SNX29: variants seen among roughly 807,000 people sequenced by gnomAD.
The protein encoded by SNX29 is sorting nexin 29, also known as sorting nexin-29.
SNX29 carries 78 observed loss-of-function variants against 102.1 expected under a neutral mutation model. That is an observed-to-expected ratio of 0.76 (90% CI 0.64 to 0.92). SNX29 has a LOEUF of 0.92. Among genes scored for constraint, SNX29 ranks in the 40% least tolerant of loss-of-function variants. The pLI is 0.00. For missense variants in SNX29, 1,280 were observed against 1,061.7 expected, an observed-to-expected ratio of 1.21 and a Z score of -2.86; for synonymous variants, 580 against 414.5, an observed-to-expected ratio of 1.40 and a Z score of -4.85.
At chr16:12,289,334 GT>G (rs1489728959) in intron 15 of SNX29, among the ~76,000 whole-genome samples, 1 of 152,174 alleles carries the variant, frequency 6.6e-6, no homozygotes, top group African/African-American at 2.4e-5. Flanking sequence ...TGGCCTCTCA[GT>G]TACTGTTTGC....
At chr16:12,500,238 A>T (rs564358063) in intron 19 of SNX29, among the ~76,000 whole-genome samples, 1 of 151,682 alleles carries the variant, frequency 6.6e-6, no homozygotes, top group Non-Finnish European at 1.5e-5. Context: ...ACTCAAGCAA[A>T]CCTCGTGCCT....
chr16:12,394,790 T>C (rs752285326), intron 16 of SNX29, among the ~76,000 whole-genome samples: 1 of 152,232 alleles, frequency 6.6e-6, no homozygotes, highest in Non-Finnish European at 1.5e-5. Flanking sequence ...GCTCCTGATA[T>C]CTTTACTTCC....
chr16:12,144,748 G>A (rs1297688397), intron 13 of SNX29, among the ~76,000 whole-genome samples: 1 of 152,216 alleles, frequency 6.6e-6, no homozygotes, highest in African/African-American at 2.4e-5. Context: ...TTGAGACGGA[G>A]TCTCGCTGTG....
chr16:12,304,056 A>T (rs913693416), intron 15 of SNX29, among the ~76,000 whole-genome samples: 1 of 152,206 alleles, frequency 6.6e-6, no homozygotes, highest in Non-Finnish European at 1.5e-5. Context: ...TTGCCTATGC[A>T]TATCGTGTGT....
At chr16:12,450,333 C>A (rs528770271) in intron 18 of SNX29, among the ~76,000 whole-genome samples, 1 of 152,286 alleles carries the variant, frequency 6.6e-6, no homozygotes, top group East Asian at 1.9e-4. Context: ...TGGGGCTGTT[C>A]TAGCTTTTGT....
intron 16 of SNX29, among the ~76,000 whole-genome samples, chr16:12,380,638 TCCATCCACCCACCA>T (rs2083059602): frequency 1.7e-5 from 1 of 59,310 alleles, no homozygotes. Context: ...CCACCATCCA[TCCATCCACCCACCA>T]TCCATCCACC....
At chr16:12,008,207 G>T (rs1019346522) in intron 3 of SNX29, among the ~76,000 whole-genome samples, 1 of 152,120 alleles carries the variant, frequency 6.6e-6, no homozygotes, top group African/African-American at 2.4e-5. Flanking sequence ...GCCTCCCAAA[G>T]TGCTGGGATT....
chr16:12,120,054 G>T (rs374195102), intron 11 of SNX29, among the ~76,000 whole-genome samples: 1 of 152,098 alleles, frequency 6.6e-6, no homozygotes, highest in Non-Finnish European at 1.5e-5. Context: ...AGGGGAGGAG[G>T]GTGGCAGGAG....
chr16:12,238,512 T>A (rs2078006318), intron 14 of SNX29, among the ~76,000 whole-genome samples: 1 of 152,054 alleles, frequency 6.6e-6, no homozygotes, highest in African/African-American at 2.4e-5. Flanking sequence ...TTTGTAGAGA[T>A]GGGGTTTTAC....
chr16:12,433,555 C>T (rs1009994630), intron 18 of SNX29, among the ~76,000 whole-genome samples: 8 of 148,550 alleles, frequency 5.4e-5, no homozygotes, highest in African/African-American at 7.4e-5. Context: ...CGCTTGAACC[C>T]GGGAGGTGGA....
intron 19 of SNX29, among the ~76,000 whole-genome samples, chr16:12,504,365 C>T (rs62030400): frequency 0.096 from 14,631 of 152,054 alleles, 779 homozygotes; most frequent in Middle Eastern, 0.12. Flanking sequence ...TTTCATCACC[C>T]GGAAAGAAAC....
chr16:12,031,024 C>T (rs2057327410), intron 4 of SNX29, among the ~76,000 whole-genome samples: 1 of 152,096 alleles, frequency 6.6e-6, no homozygotes, highest in Non-Finnish European at 1.5e-5. Context: ...TTCAGTGCCG[C>T]TGCCTGTGCT....
chr16:11,996,934 A>G (rs924514156), intron 1 of SNX29, among the ~76,000 whole-genome samples: 1 of 152,148 alleles, frequency 6.6e-6, no homozygotes, highest in African/African-American at 2.4e-5. Flanking sequence ...GTACTTTTTG[A>G]AGAGTCAGTT....
chr16:12,312,536 G>A (rs2080592060), intron 15 of SNX29, among the ~76,000 whole-genome samples: 4 of 152,244 alleles, frequency 2.6e-5, no homozygotes, highest in Admixed American at 2.0e-4. Context: ...CCGGAAATAA[G>A]CTCCACGAGC....
At chr16:12,558,590 ACT>A (rs973377278) in intron 20 of SNX29, among the ~76,000 whole-genome samples, 10 of 152,146 alleles carry the variant, frequency 6.6e-5, no homozygotes, top group African/African-American at 2.2e-4. Context: ...TACACCTGTC[ACT>A]CTCTGCCACA....
intron 20 of SNX29, among the ~76,000 whole-genome samples, chr16:12,554,955 A>G (rs559566513): frequency 2.4e-4 from 36 of 148,624 alleles, no homozygotes; most frequent in Admixed American, 2.2e-3. Flanking sequence ...GGAGAAAACA[A>G]TGGAGGTGGT....
At chr16:12,280,461 G>A (rs905948) in intron 15 of SNX29, among the ~76,000 whole-genome samples, 11,998 of 152,208 alleles carry the variant, frequency 0.079, 1,160 homozygotes, top group African/African-American at 0.22. Flanking sequence ...CACCAAACGG[G>A]AGGGCTCAAG....
rs2052768567 is a variant in SNX29, at chr16:12,096,377, G to C, written c.1402+17462G>C. ...TGCTGGGCGCAGTTCTAGGTGCTGA[G>C]GAGCCAGAGGTGGGGATCCAGCTTG... On this transcript the variant is annotated intron_variant, in intron 11 of 20. Transcript: ENST00000566228. The surrounding 1 kb of genome is among the most constrained non-coding windows in gnomAD (Gnocchi z 4.2). Among the ~76,000 whole-genome samples, 1 of 152,198 alleles carries C rather than the reference G, an allele frequency of 6.6e-6. No individual in the cohort carries two copies.
At position 12,512,367 on chromosome 16, in the gene SNX29, AAAATATATATATATATATATAT is replaced by A. The variant is rs1316865596; in HGVS notation, c.2179-12333_2179-12312del. 9.6e-4 allele frequency among the ~76,000 whole-genome samples: 38 copies of A among 39,488 alleles called. 3 individuals carry two copies. The highest frequency in any genetic ancestry group is 3.5e-3 in the South Asian group (4 of 1,150). The allele number at this position is 39,488 out of a possible 152,430, so 25.9% of individuals were successfully genotyped here. On this transcript the variant is annotated intron_variant, in intron 19 of 20. Transcript: ENST00000566228. ...TACGTCCATCATGGAAGGCCCAGGG[AAAATATATATATATATATATAT>A]ATATATATATATATATATATATATA...
Sources: allele counts gnomAD v4.1 joint callset (sites outside exome capture counted in the v4.1 genomes callset), GRCh38; gene constraint gnomAD v4.1.1; non-coding constraint Gnocchi (gnomAD v3.1); transcripts MANE v1.5; gene names NCBI Gene and HGNC (gene_info 2026-07-23, HGNC 2026-07-21).